The following CTNND2 variants were observed in gnomAD, a reference collection of about 807,000 sequenced individuals.
CTNND2 encodes the protein catenin delta-2.
In CTNND2, 22 loss-of-function variants were observed where a neutral mutation model predicts 144.4. The observed-to-expected ratio is 0.15, with a 90% CI of 0.11 to 0.22. CTNND2 has a LOEUF of 0.22. Among genes scored for constraint, CTNND2 ranks in the 10% least tolerant of loss-of-function variants. The probability of loss-of-function intolerance (pLI) is 1.00; values close to 1 mark genes in which losing one functional copy is unlikely to be tolerated. For synonymous variants in CTNND2, 751 were observed against 695.6 expected (o/e 1.08, Z -1.25); for missense variants, 1,353 against 1,618.8 (o/e 0.84, Z 2.82).
chr5:11,760,548 T>C (rs183096794), intron 1 of CTNND2, among the ~76,000 whole-genome samples: 1 of 152,260 alleles, frequency 6.6e-6, no homozygotes, highest in African/African-American at 2.4e-5. Flanking sequence ...CGTGGTATTA[T>C]AGATAAGGTA....
intron 8 of CTNND2, among the ~76,000 whole-genome samples, chr5:11,356,077 C>T (rs1250592272): frequency 1.3e-5 from 2 of 151,964 alleles, no homozygotes; most frequent in African/African-American, 2.4e-5. Flanking sequence ...ACATCTCATG[C>T]TCATGGGTTA....
At chr5:11,670,914 T>C (rs551386939) in intron 2 of CTNND2, among the ~76,000 whole-genome samples, 1 of 152,300 alleles carries the variant, frequency 6.6e-6, no homozygotes, top group South Asian at 2.1e-4. Flanking sequence ...TGGTTGGTAC[T>C]GGTTATTCTT....
chr5:11,128,778 A>T (rs1168791322), intron 12 of CTNND2, among the ~76,000 whole-genome samples: 17 of 37,132 alleles, frequency 4.6e-4, no homozygotes, highest in African/African-American at 1.3e-3. Flanking sequence ...ATTATATATA[A>T]AATATATAAA....
intron 2 of CTNND2, among the ~76,000 whole-genome samples, chr5:11,690,742 C>CAAAAAAAAAAA (rs58799389): frequency 8.2e-5 from 3 of 36,534 alleles, no homozygotes; most frequent in Non-Finnish European, 2.2e-4. Flanking sequence ...GACTCCGTCT[C>CAAAAAAAAAAA]AAAAAAAAAA....
At chr5:11,877,975 T>C (rs892467705) in intron 1 of CTNND2, among the ~76,000 whole-genome samples, 1 of 152,120 alleles carries the variant, frequency 6.6e-6, no homozygotes, top group African/African-American at 2.4e-5. Flanking sequence ...AGACTTTGTA[T>C]ATGGCAGAAA....
intron 1 of CTNND2, among the ~76,000 whole-genome samples, chr5:11,894,380 C>A (rs779910618): frequency 1.3e-5 from 2 of 152,148 alleles, no homozygotes; most frequent in Non-Finnish European, 2.9e-5. Context: ...GAAGAAACAA[C>A]AAGAATTACT....
At chr5:11,255,866 A>C (rs1416598478) in intron 9 of CTNND2, among the ~76,000 whole-genome samples, 1 of 152,134 alleles carries the variant, frequency 6.6e-6, no homozygotes, top group Non-Finnish European at 1.5e-5. Context: ...TGGTTTCCTA[A>C]TGGGCTCTGT....
At chr5:11,082,609 G>A in intron 16 of CTNND2, 87 bp downstream of exon 16, 2 of 1,432,068 alleles carry the variant, frequency 1.4e-6, no homozygotes, top group Non-Finnish European at 1.9e-6. Flanking sequence ...GTAAGCATAG[G>A]CTATGCATAC....
intron 3 of CTNND2, among the ~76,000 whole-genome samples, chr5:11,554,909 TTA>T (rs72404443): frequency 0.34 from 51,638 of 150,152 alleles, 9,605 homozygotes; most frequent in Middle Eastern, 0.54. Context: ...TATAAATCAA[TTA>T]TATATATAAA....
intron 3 of CTNND2, among the ~76,000 whole-genome samples, chr5:11,476,737 C>T (rs1767780595): frequency 6.6e-6 from 1 of 152,102 alleles, no homozygotes; most frequent in South Asian, 2.1e-4. Context: ...CAGCCCAAAA[C>T]ACTTAAAAAT....
intron 2 of CTNND2, among the ~76,000 whole-genome samples, chr5:11,709,097 G>A (rs1785882088): frequency 6.6e-6 from 1 of 152,172 alleles, no homozygotes; most frequent in Middle Eastern, 3.2e-3. Flanking sequence ...CTGTTCCCAA[G>A]AGAGCAAGAA....
intron 17 of CTNND2, among the ~76,000 whole-genome samples, chr5:11,022,230 G>C (rs1304003768): frequency 6.6e-6 from 1 of 152,048 alleles, no homozygotes; most frequent in Non-Finnish European, 1.5e-5. Context: ...CTCTCCCTTA[G>C]GTTTAGATTG....
At chr5:11,652,135 T>G (rs2561611) in intron 2 of CTNND2, among the ~76,000 whole-genome samples, 54,473 of 151,936 alleles carry the variant, frequency 0.36, 12,976 homozygotes, top group African/African-American at 0.68. Flanking sequence ...TGGAGGTGGG[T>G]CTTGGTTGGG....
intron 3 of CTNND2, among the ~76,000 whole-genome samples, chr5:11,425,267 T>TA (rs1292688204): frequency 6.6e-6 from 1 of 152,230 alleles, no homozygotes; most frequent in Non-Finnish European, 1.5e-5. Context: ...TGCCACCTGG[T>TA]AGATGATTTG....
At chr5:11,124,435 A>G (rs1754458838) in intron 12 of CTNND2, among the ~76,000 whole-genome samples, 2 of 152,190 alleles carry the variant, frequency 1.3e-5, no homozygotes, top group Non-Finnish European at 2.9e-5. Context: ...TGCCAATCAT[A>G]CTTTTCTCGA....
chr5:11,024,438 G>A (rs1421985736), intron 16 of CTNND2, among the ~76,000 whole-genome samples: 1 of 152,108 alleles, frequency 6.6e-6, no homozygotes, highest in Non-Finnish European at 1.5e-5. Context: ...CCTTAACTCT[G>A]GTTAAGAGTT....
chr5:11,098,626 C>A lies in CTNND2; in HGVS notation c.2586G>T (p.Thr862=), dbSNP rs1434603180. 35 of 1,613,994 alleles carry A rather than the reference C, an allele frequency of 2.2e-5. No homozygotes were observed. The highest frequency in any genetic ancestry group is 3.0e-5 in the Non-Finnish European group (35 of 1,180,002). ...TLLSECSNPD[T]LEGAAGALQN... ...GCAGGGCGCCTGCCGCCCCTTCCAG[C>A]GTGTCTGGATTTGAGCACTCAGAGA... Residue 862 remains threonine, a synonymous_variant, in exon 15 of 22, where the codon ACG becomes ACT. Coordinates refer to ENST00000304623, the MANE Select transcript of CTNND2 (RefSeq NM_001332.4).
chr5:11,062,736 G>C (rs893564962), intron 16 of CTNND2, among the ~76,000 whole-genome samples: 1 of 152,174 alleles, frequency 6.6e-6, no homozygotes, highest in African/African-American at 2.4e-5. Flanking sequence ...ACAGGGTTTG[G>C]GGTTTTAAGG....
At chr5:11,778,062 T>A (rs1343857746) in intron 1 of CTNND2, among the ~76,000 whole-genome samples, 2 of 152,068 alleles carry the variant, frequency 1.3e-5, no homozygotes, top group Non-Finnish European at 2.9e-5. Flanking sequence ...AATTTCCAGA[T>A]CTCAGGTTTT....
Sources: gnomAD v4.1 joint callset for allele counts (sites outside exome capture counted in the v4.1 genomes callset) on GRCh38, gnomAD v4.1.1 for gene constraint, MANE v1.5 for transcripts, NCBI Gene and HGNC (gene_info 2026-07-23, HGNC 2026-07-21) for gene names.